Variants in TIMM44 observed in about 807,000 individuals in gnomAD.
The protein encoded by TIMM44 is mitochondrial import inner membrane translocase subunit TIM44.
Under a neutral mutation model 63.8 loss-of-function variants are expected in TIMM44, and 37 were observed. That is an observed-to-expected ratio of 0.58 (90% confidence interval 0.45 to 0.76). The LOEUF (loss-of-function observed/expected upper bound fraction) is 0.76, where lower values mean the gene tolerates loss of function less well. TIMM44 is among the 30% of genes least tolerant of loss of function. The pLI is 0.00. For synonymous variants in TIMM44, 239 were observed against 245.1 expected, an observed-to-expected ratio of 0.98 and a Z score of 0.23; for missense variants, 573 against 603.8, an observed-to-expected ratio of 0.95 and a Z score of 0.54.
intron 7 of TIMM44, 42 bp from the exon 8 acceptor site, chr19:7,932,974 A>G (rs1984031670): frequency 1.3e-6 from 2 of 1,532,022 alleles, no homozygotes; most frequent in African/African-American, 2.7e-5. Flanking sequence ...GGCCCCTTCC[A>G]GAAACACAAC....
Position 7,934,010 on chromosome 19 carries a change from G to A in TIMM44, c.544-7C>T. On this transcript the variant is annotated splice_polypyrimidine_tract_variant and splice_region_variant and intron_variant, in intron 5 of 12. Transcript: ENST00000270538. The surrounding 1 kb of genome is among the most constrained non-coding windows in gnomAD (Gnocchi z 5.3). ...TCTTCACGGACTCCACCCCCTGCGA[G>A]GGAGGCACAGCGGGGCTGGGGTGGG... 3 of 1,613,922 alleles carry A rather than the reference G, an allele frequency of 1.9e-6. No individual in the cohort carries two copies. Among genetic ancestry groups the A allele is most frequent in the Middle Eastern group, 1.6e-4 (1 of 6,062 alleles).
chr19:7,933,205 A>G lies in TIMM44; in HGVS notation c.770-273T>C, dbSNP rs1481828098. 6.6e-6 allele frequency among the ~76,000 whole-genome samples: 1 copy of G among 152,166 alleles called. No homozygotes were observed. The highest frequency in any genetic ancestry group is 1.5e-5 in the Non-Finnish European group (1 of 68,024). On this transcript the variant is annotated intron_variant, in intron 7 of 12. Transcript: ENST00000270538. The surrounding 1 kb of genome is among the most constrained non-coding windows in gnomAD (Gnocchi z 4.3). ...CCCCACTGGCTGTTGCTTTCACTAC[A>G]AAGGAAACACAGGCCTCTAGCAGTC...
chr19:7,937,092 ACT>A (rs1370382396), intron 3 of TIMM44, among the ~76,000 whole-genome samples: 1 of 151,784 alleles, frequency 6.6e-6, no homozygotes, highest in Non-Finnish European at 1.5e-5. Flanking sequence ...ATGGAGTAAG[ACT>A]CTGCTTCAAA....
chr19:7,926,956 G>A lies in TIMM44; in HGVS notation c.*231C>T. Reference sequence around the variant, plus strand: ...GTGACCAGGCGCCGGGACCCCTGCAGGGCAGAGCAACAGGGCAGGGGTTGG... The same window carrying A: ...GTGACCAGGCGCCGGGACCCCTGCAAGGCAGAGCAACAGGGCAGGGGTTGG... On this transcript the variant is annotated 3_prime_UTR_variant, in exon 13 of 13. Transcript: ENST00000270538. The A allele has an allele frequency of 1.8e-6, 1 of 571,238 alleles. No homozygotes were observed. The highest frequency in any genetic ancestry group is 3.1e-6 in the Non-Finnish European group (1 of 322,066). 35.4% of individuals were successfully genotyped at this position (571,238 alleles called of 1,614,324 possible).
intron 10 of TIMM44, 71 bp from the exon 11 acceptor site, chr19:7,928,237 CCA>C (rs1440735778): frequency 6.7e-6 from 9 of 1,350,804 alleles, no homozygotes; most frequent in Admixed American, 1.9e-5. Flanking sequence ...GAGCTGCTGC[CCA>C]CACACCCTGG....
In TIMM44 at chr19:7,943,186, C is replaced by T. The variant is rs549588872; in HGVS notation, c.45+421G>A. On this transcript the variant is annotated intron_variant, in intron 1 of 12. Coordinates refer to ENST00000270538, the MANE Select transcript of TIMM44 (RefSeq NM_006351.4). The surrounding 1 kb of genome is among the most constrained non-coding windows in gnomAD (Gnocchi z 4.3). ...AGGGCGCGAACCACCTCTCGCACAT[C>T]CACAATGAACGTTAGAAGAAACGAG... Among the ~76,000 whole-genome samples, 2 of 152,262 alleles carry T rather than the reference C, an allele frequency of 1.3e-5. No individual in the cohort carries two copies. Among genetic ancestry groups the T allele is most frequent in the South Asian group, 4.1e-4 (2 of 4,822 alleles).
In TIMM44 at chr19:7,933,811, G is replaced by A. The variant is rs966379307; in HGVS notation, c.683+53C>T. On this transcript the variant is annotated intron_variant, in intron 6 of 12. Transcript: ENST00000270538. This position sits in a 1 kb window ranked among gnomAD's most constrained non-coding sequence, Gnocchi z 4.3. Reference sequence around the variant, plus strand: ...CATTGGTGGGCTCCCGAAATGGACAGCAGTGAAAGCTGCCCAAAATGGGGG... The same window carrying A: ...CATTGGTGGGCTCCCGAAATGGACAACAGTGAAAGCTGCCCAAAATGGGGG... 1.9e-5 allele frequency: 30 copies of A among 1,611,158 alleles called. No homozygotes were observed. The highest frequency in any genetic ancestry group is 2.4e-5 in the Non-Finnish European group (28 of 1,179,054).
At chr19:7,931,103 A>T in intron 10 of TIMM44, 35 bp downstream of exon 10, 3 of 432,992 alleles carry the variant, frequency 6.9e-6, no homozygotes, top group Non-Finnish European at 1.1e-5. Flanking sequence ...TTTAGGCCTT[A>T]AAAAAAAAAA....
rs370132434 is a variant in TIMM44 at position 7,933,497 on chromosome 19, C to T, written c.757G>A (p.Val253Met). The T allele has an allele frequency of 4.5e-5, 72 of 1,614,126 alleles. No individual in the cohort carries two copies. In the African/African-American group the frequency reaches 4.5e-4, roughly 10 times the overall value. Reference protein sequence around the residue: ...QQWKDFKENNVVFNRFFEMKM... With the variant: ...QQWKDFKENNMVFNRFFEMKM... Reference sequence around the variant, plus strand: ...CACCTTCACTCACGGTTAAACACCACGTTGTTCTCCTTGAAGTCCTTCCAC... The same window carrying T: ...CACCTTCACTCACGGTTAAACACCATGTTGTTCTCCTTGAAGTCCTTCCAC... Residue 253 changes from valine (V) to methionine (M), a missense_variant, in exon 7 of 13, where the codon GTG (valine) becomes ATG (methionine). Coordinates refer to ENST00000270538, the MANE Select transcript of TIMM44 (RefSeq NM_006351.4). This position sits in a 1 kb window ranked among gnomAD's most constrained non-coding sequence, Gnocchi z 4.3.
rs56315928 is a variant in TIMM44, at chr19:7,934,436, C to G, written c.394-198G>C. Among the ~76,000 whole-genome samples the G allele has an allele frequency of 0.1, 13,819 of 137,172 alleles. 765 individuals are homozygous for G. The highest frequency in any genetic ancestry group is 0.16 in the African/African-American group (6,382 of 38,828). The allele number at this position is 137,172 out of a possible 152,430, so 90.0% of individuals were successfully genotyped here. A position where few individuals can be genotyped will look rare whatever the true frequency, so the allele number is the denominator to read the frequency against. On this transcript the variant is annotated intron_variant, in intron 4 of 12. Coordinates refer to ENST00000270538, the MANE Select transcript of TIMM44 (RefSeq NM_006351.4). This position sits in a 1 kb window ranked among gnomAD's most constrained non-coding sequence, Gnocchi z 5.3. ...CACCCCCAGAGCCACGAGCACACCGCCACCCCCAGAGCCACGAGCACACCG... is the reference window on the plus strand; with the variant it reads ...CACCCCCAGAGCCACGAGCACACCGGCACCCCCAGAGCCACGAGCACACCG...
chr19:7,938,236 A>G (rs2145179912), intron 2 of TIMM44, 39 bp from the exon 3 acceptor site: 1 of 1,549,668 alleles, frequency 6.5e-7, no homozygotes, highest in Non-Finnish European at 8.8e-7. Flanking sequence ...TAAAGAACAT[A>G]GTAGAACATA....
chr19:7,931,305 C>T, intron 9 of TIMM44, 117 bp from the exon 10 acceptor site: 1 of 954,710 alleles, frequency 1.0e-6, no homozygotes. Context: ...ACACCCCCGG[C>T]TGCCACCTGT....
Position 7,933,424 on chromosome 19 carries a change from C to T in TIMM44, c.769+61G>A. The T allele has an allele frequency of 2.0e-6, 3 of 1,474,796 alleles. No individual in the cohort carries two copies. Among genetic ancestry groups the T allele is most frequent in the Non-Finnish European group, 2.8e-6 (3 of 1,052,772 alleles). The allele number at this position is 1,474,796 out of a possible 1,614,324, so 91.4% of individuals were successfully genotyped here. On this transcript the variant is annotated intron_variant, in intron 7 of 12. Coordinates refer to ENST00000270538, the MANE Select transcript of TIMM44 (RefSeq NM_006351.4). This position sits in a 1 kb window ranked among gnomAD's most constrained non-coding sequence, Gnocchi z 4.3. ...TCTTGTGCCCAATGCAGGGGGATCA[C>T]CTTGCGGTCCACCAACTGCCCGGGA...
At chr19:7,942,266 G>C (rs1253670988) in intron 1 of TIMM44, among the ~76,000 whole-genome samples, 2 of 152,174 alleles carry the variant, frequency 1.3e-5, no homozygotes, top group Non-Finnish European at 2.9e-5. Context: ...CCGGGAGGTG[G>C]AGGGTGCAGT....
At position 7,927,117 on chromosome 19, in the gene TIMM44, C is replaced by G; in HGVS notation, c.*70G>C. ...TCTTGTTCCCAGAGGTCTGGAGTTG[C>G]CGCAGGTGGTGTTGCGGTGCCTCTG... On this transcript the variant is annotated 3_prime_UTR_variant, in exon 13 of 13. Transcript: ENST00000270538. The G allele has an allele frequency of 6.5e-7, 1 of 1,544,646 alleles. No homozygotes were observed. The highest frequency in any genetic ancestry group is 1.2e-5 in the South Asian group (1 of 85,214).
rs116458147 is a variant in TIMM44, at chr19:7,938,984, C to T, written c.142-787G>A. On this transcript the variant is annotated intron_variant, in intron 2 of 12. Coordinates refer to ENST00000270538, the MANE Select transcript of TIMM44 (RefSeq NM_006351.4). Reference sequence around the variant, plus strand: ...TCTGGAAAAGGCAAAACTAAGGGGACAGTAAAAGATCAGTGGTTGCCAGGG... The same window carrying T: ...TCTGGAAAAGGCAAAACTAAGGGGATAGTAAAAGATCAGTGGTTGCCAGGG... Among the ~76,000 whole-genome samples, 859 of 131,584 alleles carry T rather than the reference C, an allele frequency of 6.5e-3. 10 individuals are homozygous for T. Among genetic ancestry groups the T allele is most frequent in the African/African-American group, 0.023 (805 of 34,438 alleles). The allele number at this position is 131,584 out of a possible 152,430, so 86.3% of individuals were successfully genotyped here.
At position 7,934,235 on chromosome 19, in the gene TIMM44, G is replaced by A. The variant is rs756346325; in HGVS notation, c.397C>T (p.Leu133Phe). ...AGATCACTTTTACTGACTTCGTGAA[G>A]GCTCTACTGAGACAGACACAGAGAG... Reference protein sequence around the residue: ...GELTGTVKESLHEVSKSDLGR... With the variant: ...GELTGTVKESFHEVSKSDLGR... The change falls in exon 5 of 13, where the codon CTT (leucine) becomes TTT (phenylalanine). Residue 133 changes from leucine (L) to phenylalanine (F), a missense_variant. Coordinates refer to ENST00000270538, the MANE Select transcript of TIMM44 (RefSeq NM_006351.4). The surrounding 1 kb of genome is among the most constrained non-coding windows in gnomAD (Gnocchi z 5.3). 1 of 1,612,006 alleles carries A rather than the reference G, an allele frequency of 6.2e-7. No individual in the cohort carries two copies. Among genetic ancestry groups the A allele is most frequent in the Admixed American group, 1.7e-5 (1 of 60,028 alleles).
At position 7,933,729 on chromosome 19, in the gene TIMM44, A is replaced by AG. The variant is rs1384106074; in HGVS notation, c.683+134dup. On this transcript the variant is annotated intron_variant, in intron 6 of 12. Transcript: ENST00000270538. The surrounding 1 kb of genome is among the most constrained non-coding windows in gnomAD (Gnocchi z 4.3). ...CCCTCACCTCTCACCCTCAAATTCG[A>AG]GGGAGCCGGGAACCTTGGGCAGAAG... 6.9e-7 allele frequency: 1 copy of AG among 1,442,232 alleles called. No individual in the cohort carries two copies. Among genetic ancestry groups the AG allele is most frequent in the African/African-American group, 1.4e-5 (1 of 71,492 alleles). 89.3% of individuals were successfully genotyped at this position (1,442,232 alleles called of 1,614,324 possible).
chr19:7,941,880 T>C (rs974751669), intron 1 of TIMM44, among the ~76,000 whole-genome samples: 13 of 152,130 alleles, frequency 8.5e-5, no homozygotes, highest in Non-Finnish European at 1.6e-4. Flanking sequence ...GCCCACCCCA[T>C]TTCTGCCAGC....
Sources: gnomAD v4.1 joint callset for allele counts (sites outside exome capture counted in the v4.1 genomes callset) on GRCh38, gnomAD v4.1.1 for gene constraint, Gnocchi (gnomAD v3.1) non-coding constraint, MANE v1.5 for transcripts, NCBI Gene and HGNC (gene_info 2026-07-23, HGNC 2026-07-21) for gene names.